Variants in BMPER observed in about 807,000 individuals in gnomAD.
BMPER encodes the protein BMP-binding endothelial regulator protein.
BMPER carries 45 observed loss-of-function variants against 87.3 expected under a neutral mutation model. The ratio of observed to expected loss-of-function variants is 0.52; its 90% confidence interval spans 0.41 to 0.66. The LOEUF is 0.66. Among genes scored for constraint, BMPER ranks in the 30% least tolerant of loss-of-function variants. The pLI is 0.00. For synonymous variants in BMPER, 326 were observed against 316.2 expected, an observed-to-expected ratio of 1.03 and a Z score of -0.33; for missense variants, 784 against 867.5, an observed-to-expected ratio of 0.90 and a Z score of 1.21.
intron 6 of BMPER, among the ~76,000 whole-genome samples, chr7:34,045,391 C>T (rs1787935456): frequency 1.3e-5 from 2 of 152,068 alleles, no homozygotes; most frequent in African/African-American, 4.8e-5. Flanking sequence ...GCAGGCACCT[C>T]TGGTGAGGGA....
At chr7:34,115,660 A>T (rs1227503529) in intron 13 of BMPER, among the ~76,000 whole-genome samples, 1 of 152,240 alleles carries the variant, frequency 6.6e-6, no homozygotes, top group Non-Finnish European at 1.5e-5. Context: ...TGTAGCATGT[A>T]TCAGTAACTC....
chr7:33,914,083 C>G (rs1784030857), intron 2 of BMPER, among the ~76,000 whole-genome samples: 1 of 151,766 alleles, frequency 6.6e-6, no homozygotes, highest in Middle Eastern at 3.4e-3. Flanking sequence ...TGCCTCAGCC[C>G]TCCCGAGTAG....
At chr7:33,964,335 C>T (rs1785351028) in intron 3 of BMPER, among the ~76,000 whole-genome samples, 1 of 152,156 alleles carries the variant, frequency 6.6e-6, no homozygotes, top group Non-Finnish European at 1.5e-5. Flanking sequence ...GAGATTTTCA[C>T]AGATGTTTTG....
At position 33,924,041 on chromosome 7, in the gene BMPER, G is replaced by A. The variant is rs190124378; in HGVS notation, c.220-13248G>A. 2.3e-4 allele frequency among the ~76,000 whole-genome samples: 35 copies of A among 152,266 alleles called. No homozygotes were observed. The East Asian group carries it at 6.8e-3, about 29-fold the overall frequency. ...GTCTACCTGGTGTCTCCACGTGGAT[G>A]TTGAGCAGGCATCTCAAACTGAAAA... On this transcript the variant is annotated intron_variant, in intron 2 of 14. Coordinates refer to ENST00000649409, the MANE Select transcript of BMPER (RefSeq NM_001365308.1).
intron 2 of BMPER, among the ~76,000 whole-genome samples, chr7:33,927,228 C>A (rs181979701): frequency 1.5e-4 from 23 of 152,294 alleles, no homozygotes; most frequent in Middle Eastern, 3.4e-3. Flanking sequence ...TTTCACGGGG[C>A]AATCTGTGAA....
chr7:34,011,674 C>A (rs1435200035), intron 6 of BMPER, among the ~76,000 whole-genome samples: 1 of 148,328 alleles, frequency 6.7e-6, no homozygotes, highest in Non-Finnish European at 1.5e-5. Flanking sequence ...CTTTTGAATT[C>A]TTTTGAATAA....
At chr7:34,045,155 A>C (rs1787928375) in intron 6 of BMPER, among the ~76,000 whole-genome samples, 1 of 152,222 alleles carries the variant, frequency 6.6e-6, no homozygotes, top group Non-Finnish European at 1.5e-5. Context: ...AAGCGAATTC[A>C]TTGAAATTCC....
chr7:34,058,070 G>A lies in BMPER; in HGVS notation c.939G>A (p.Met313Ile). 1 of 1,614,038 alleles carries A rather than the reference G, an allele frequency of 6.2e-7. No individual in the cohort carries two copies. Among genetic ancestry groups the A allele is most frequent in the South Asian group, 1.1e-5 (1 of 91,080 alleles). ...FGNKIFQDGE[M>I]WSSINCTICA... Reference sequence around the variant, plus strand: ...GCCCTCTCTTGTAGGATGGAGAGATGTGGTCCTCTATCAATTGTACCATCT... The same window carrying A: ...GCCCTCTCTTGTAGGATGGAGAGATATGGTCCTCTATCAATTGTACCATCT... Residue 313 changes from methionine (M) to isoleucine (I), a missense_variant, in exon 10 of 15, where the codon ATG (methionine) becomes ATA (isoleucine). Transcript: ENST00000649409.
At chr7:33,995,115 A>C (rs1354219170) in intron 6 of BMPER, among the ~76,000 whole-genome samples, 1 of 152,230 alleles carries the variant, frequency 6.6e-6, no homozygotes, top group East Asian at 1.9e-4. Context: ...ATTTTTAAAT[A>C]GTGAATATTA....
intron 6 of BMPER, among the ~76,000 whole-genome samples, chr7:33,992,008 A>G (rs1258228061): frequency 1.3e-5 from 2 of 149,910 alleles, no homozygotes; most frequent in Admixed American, 6.7e-5. Flanking sequence ...CTGTTCTTTT[A>G]CATTTGCTGA....
chr7:33,924,854 G>C (rs1784323685), intron 2 of BMPER, among the ~76,000 whole-genome samples: 1 of 152,088 alleles, frequency 6.6e-6, no homozygotes, highest in Non-Finnish European at 1.5e-5. Flanking sequence ...TAGAGACGGG[G>C]TTTCACCATG....
At chr7:33,967,321 C>G (rs1412591459) in intron 4 of BMPER, among the ~76,000 whole-genome samples, 1 of 152,198 alleles carries the variant, frequency 6.6e-6, no homozygotes, top group Non-Finnish European at 1.5e-5. Flanking sequence ...ATCCCTAACC[C>G]TATTTCGTTG....
chr7:34,112,799 A>G (rs147696677), intron 13 of BMPER, among the ~76,000 whole-genome samples: 1 of 151,854 alleles, frequency 6.6e-6, no homozygotes, highest in African/African-American at 2.4e-5. Flanking sequence ...TGTGCACCGA[A>G]GTTTTCATTG....
chr7:34,051,171 A>C (rs1053571806), intron 7 of BMPER, among the ~76,000 whole-genome samples: 2 of 152,112 alleles, frequency 1.3e-5, no homozygotes, highest in Admixed American at 6.6e-5. Flanking sequence ...GCACTAATCT[A>C]AGTCATGAGA....
chr7:34,125,954 T>C (rs1432034056), intron 13 of BMPER, among the ~76,000 whole-genome samples: 1 of 152,208 alleles, frequency 6.6e-6, no homozygotes, highest in Non-Finnish European at 1.5e-5. Context: ...ACCTGCAATG[T>C]GCTAGTAACT....
chr7:34,089,739 C>T (rs1351682706), intron 13 of BMPER, among the ~76,000 whole-genome samples: 1 of 152,154 alleles, frequency 6.6e-6, no homozygotes, highest in Admixed American at 6.5e-5. Context: ...CTGCCTCAGC[C>T]TCCCAAAGTG....
At chr7:34,021,708 C>T (rs1355278786) in intron 6 of BMPER, among the ~76,000 whole-genome samples, 1 of 152,036 alleles carries the variant, frequency 6.6e-6, no homozygotes, top group Non-Finnish European at 1.5e-5. Context: ...GGGATAGAAA[C>T]ATAAAGGATA....
At chr7:33,995,462 G>C (rs892828261) in intron 6 of BMPER, among the ~76,000 whole-genome samples, 2 of 152,116 alleles carry the variant, frequency 1.3e-5, no homozygotes, top group Non-Finnish European at 2.9e-5. Context: ...CTGTTGCAAG[G>C]CTCTATCATG....
intron 3 of BMPER, 59 bp downstream of exon 3, chr7:33,937,447 C>G: frequency 1.3e-6 from 2 of 1,541,400 alleles, no homozygotes; most frequent in Non-Finnish European, 1.8e-6. Flanking sequence ...TTTTATTTCT[C>G]TTTCTCTCAC....
Sources: gnomAD v4.1 joint callset for allele counts (sites outside exome capture counted in the v4.1 genomes callset) on GRCh38, gnomAD v4.1.1 for gene constraint, MANE v1.5 for transcripts, NCBI Gene and HGNC (gene_info 2026-07-23, HGNC 2026-07-21) for gene names.